CDK8: variants seen among roughly 807,000 people sequenced by gnomAD.
The protein encoded by CDK8 is cyclin dependent kinase 8.
Under a neutral mutation model 71.5 loss-of-function variants are expected in CDK8, and 29 were observed. The ratio of observed to expected loss-of-function variants is 0.41; its 90% confidence interval spans 0.30 to 0.55. The LOEUF is 0.55. Ranked by LOEUF, CDK8 falls within the 20% of genes least tolerant of loss-of-function variation. CDK8 has a pLI of 0.37. For missense variants in CDK8, 288 were observed against 572.6 expected, an observed-to-expected ratio of 0.50 and a Z score of 5.07; for synonymous variants, 161 against 192.1, an observed-to-expected ratio of 0.84 and a Z score of 1.34.
chr13:26,395,669 A>G (rs562685680), intron 7 of CDK8, among the ~76,000 whole-genome samples: 4 of 152,312 alleles, frequency 2.6e-5, no homozygotes, highest in Non-Finnish European at 4.4e-5. Context: ...TAACGTATTT[A>G]GGAGCTGGGG....
chr13:26,318,353 C>T (rs1455250763), intron 1 of CDK8, among the ~76,000 whole-genome samples: 1 of 151,846 alleles, frequency 6.6e-6, no homozygotes, highest in Non-Finnish European at 1.5e-5. Flanking sequence ...GTTAATTCTA[C>T]CAAACAATTT....
chr13:26,336,602 G>A (rs7333461), intron 1 of CDK8, among the ~76,000 whole-genome samples: 138,396 of 147,460 alleles, frequency 0.94, 65,539 homozygotes, highest in East Asian at 1. Context: ...CGCCCAGGCT[G>A]GACTGCAGTG....
intron 1 of CDK8, among the ~76,000 whole-genome samples, chr13:26,317,708 G>T (rs1874577915): frequency 6.6e-6 from 1 of 152,092 alleles, no homozygotes; most frequent in Admixed American, 6.5e-5. Flanking sequence ...GTTCAAAGAA[G>T]AAATTACAAG....
intron 1 of CDK8, among the ~76,000 whole-genome samples, chr13:26,307,672 A>G (rs912347064): frequency 1.3e-5 from 2 of 152,200 alleles, no homozygotes; most frequent in African/African-American, 2.4e-5. Flanking sequence ...TTCCCTGATC[A>G]GTGTAGACCT....
chr13:26,365,626 G>A (rs1045167674), intron 4 of CDK8, among the ~76,000 whole-genome samples: 1 of 152,046 alleles, frequency 6.6e-6, no homozygotes, highest in African/African-American at 2.4e-5. Context: ...GACCATGGAA[G>A]TTGACTTGAA....
chr13:26,339,367 G>A (rs1441195562), intron 2 of CDK8, among the ~76,000 whole-genome samples: 1 of 151,900 alleles, frequency 6.6e-6, no homozygotes, highest in Non-Finnish European at 1.5e-5. Context: ...AACATCCTTT[G>A]CCATAGAATT....
At chr13:26,348,569 C>A (rs1340709307) in intron 2 of CDK8, among the ~76,000 whole-genome samples, 1 of 152,072 alleles carries the variant, frequency 6.6e-6, no homozygotes, top group African/African-American at 2.4e-5. Flanking sequence ...TTCCCCCAGC[C>A]CCCGCCCTGC....
chr13:26,260,042 AGG>A (rs1871704084), intron 1 of CDK8, among the ~76,000 whole-genome samples: 1 of 152,204 alleles, frequency 6.6e-6, no homozygotes, highest in Non-Finnish European at 1.5e-5. Context: ...CATAGAAGAC[AGG>A]GAAGGTCTCA....
Position 26,254,523 on chromosome 13 carries a change from G to A in CDK8, c.-119G>A. 1.3e-6 allele frequency: 1 copy of A among 785,538 alleles called. No individual in the cohort carries two copies. The highest frequency in any genetic ancestry group is 1.8e-5 in the South Asian group (1 of 55,986). The allele number at this position is 785,538 out of a possible 1,614,324, so 48.7% of individuals were successfully genotyped here. A position where few individuals can be genotyped will look rare whatever the true frequency, so the allele number is the denominator to read the frequency against. On this transcript the variant is annotated 5_prime_UTR_variant, in exon 1 of 13. Coordinates refer to ENST00000381527, the MANE Select transcript of CDK8 (RefSeq NM_001260.3). This position sits in a 1 kb window ranked among gnomAD's most constrained non-coding sequence, Gnocchi z 6.7. ...TTGCCGCATCAGTCGGGCTGGTGCT[G>A]CGGCCGGCGGGCGTAGAGCGGGCGG...
rs542144192 is a variant in CDK8, at chr13:26,325,765, T to G, written c.129-11802T>G. 2.0e-5 allele frequency among the ~76,000 whole-genome samples: 3 copies of G among 152,228 alleles called. No individual in the cohort carries two copies. In the South Asian group the frequency reaches 6.2e-4, roughly 32 times the overall value. ...TCTGTTAGGGAAATAATAATATGAT[T>G]ATCAGTGGGGTTCATTTCACTTTCT... is the stretch of plus-strand genomic sequence containing the variant. On this transcript the variant is annotated intron_variant, in intron 1 of 12. Coordinates refer to ENST00000381527, the MANE Select transcript of CDK8 (RefSeq NM_001260.3).
chr13:26,268,586 G>T (rs1034506396), intron 1 of CDK8, among the ~76,000 whole-genome samples: 3 of 152,034 alleles, frequency 2.0e-5, no homozygotes, highest in Non-Finnish European at 4.4e-5. Context: ...GAGTAGCTAG[G>T]ACTACAGGCA....
At chr13:26,277,328 C>G (rs1872595059) in intron 1 of CDK8, among the ~76,000 whole-genome samples, 1 of 152,144 alleles carries the variant, frequency 6.6e-6, no homozygotes, top group Admixed American at 6.5e-5. Flanking sequence ...GGCCAGATGA[C>G]TTATTTCAAA....
intron 1 of CDK8, among the ~76,000 whole-genome samples, chr13:26,310,662 G>T (rs1874241182): frequency 6.6e-6 from 1 of 152,112 alleles, no homozygotes; most frequent in South Asian, 2.1e-4. Flanking sequence ...ATAGGGAGTG[G>T]CTATAAATAC....
intron 4 of CDK8, among the ~76,000 whole-genome samples, chr13:26,364,512 C>G (rs536221478): frequency 1.3e-5 from 2 of 151,914 alleles, no homozygotes; most frequent in African/African-American, 4.8e-5. Context: ...TTTTGAATAG[C>G]GGTTAGGAGG....
chr13:26,303,752 T>C (rs1163343703), intron 1 of CDK8, among the ~76,000 whole-genome samples: 1 of 152,204 alleles, frequency 6.6e-6, no homozygotes, highest in Non-Finnish European at 1.5e-5. Context: ...ATGTTTTGTG[T>C]GTTTAAAAAT....
At chr13:26,256,505 G>T (rs1222054024) in intron 1 of CDK8, among the ~76,000 whole-genome samples, 1 of 152,104 alleles carries the variant, frequency 6.6e-6, no homozygotes, top group Non-Finnish European at 1.5e-5. Context: ...AGAGAAGCCG[G>T]TTCTGTTTTC....
At chr13:26,361,784 C>T (rs9581651) in intron 4 of CDK8, among the ~76,000 whole-genome samples, 665 of 63,416 alleles carry the variant, frequency 0.01, 4 homozygotes, top group Middle Eastern at 0.016. Flanking sequence ...TTTCTTTTCC[C>T]TTTTTTTTTT....
At position 26,364,202 on chromosome 13, in the gene CDK8, T is replaced by A. The variant is rs549084260; in HGVS notation, c.456+10322T>A. Among the ~76,000 whole-genome samples, 36 of 152,320 alleles carry A rather than the reference T, an allele frequency of 2.4e-4. No homozygotes were observed. The South Asian group carries it at 7.5e-3, about 32-fold the overall frequency. On this transcript the variant is annotated intron_variant, in intron 4 of 12. Coordinates refer to ENST00000381527, the MANE Select transcript of CDK8 (RefSeq NM_001260.3). ...TTTTTAAATTGCAGATTATAAGCCA[T>A]AAACGAATCAGGAAAACACACGACA...
At chr13:26,284,108 C>A (rs965673542) in intron 1 of CDK8, among the ~76,000 whole-genome samples, 1 of 152,136 alleles carries the variant, frequency 6.6e-6, no homozygotes, top group Non-Finnish European at 1.5e-5. Context: ...AATAGTGACA[C>A]AACTTACCAA....
Sources: allele counts gnomAD v4.1 joint callset (sites outside exome capture counted in the v4.1 genomes callset), GRCh38; gene constraint gnomAD v4.1.1; non-coding constraint Gnocchi (gnomAD v3.1); transcripts MANE v1.5; gene names NCBI Gene and HGNC (gene_info 2026-07-23, HGNC 2026-07-21).